Variants in RBM5 observed in about 807,000 individuals in gnomAD.
RBM5 encodes the protein RNA-binding protein 5.
Under a neutral mutation model 124.6 loss-of-function variants are expected in RBM5, and 15 were observed. The ratio of observed to expected loss-of-function variants is 0.12; its 90% CI spans 0.08 to 0.19. RBM5 has a LOEUF of 0.19. RBM5 is among the 10% of genes least tolerant of loss of function. The pLI is 1.00. For synonymous variants in RBM5, 337 were observed against 361.2 expected, an observed-to-expected ratio of 0.93 and a Z score of 0.76; for missense variants, 580 against 1,026.5, an observed-to-expected ratio of 0.57 and a Z score of 5.94.
In RBM5 at chr3:50,095,206, C is replaced by G. The variant is rs141313457; in HGVS notation, c.339+1331C>G. Among the ~76,000 whole-genome samples the G allele has an allele frequency of 3.3e-5, 5 of 152,058 alleles. No homozygotes were observed. The East Asian group carries it at 7.7e-4, about 24-fold the overall frequency. ...ACAGAACAAGACCCTGTCTCAAAAA[C>G]AAAAAGAAGTAAATTACCATATTTA... On this transcript the variant is annotated intron_variant, in intron 4 of 24. Transcript: ENST00000347869.
Position 50,115,528 on chromosome 3 carries a change from T to C in RBM5, c.1940T>C (p.Met647Thr). Reference sequence around the variant, plus strand: ...GAGAAGCTAGCTGACTGGAAGAAGATGGCCTGTCTGCTCTGCCGGCGCCAG... The same window carrying C: ...GAGAAGCTAGCTGACTGGAAGAAGACGGCCTGTCTGCTCTGCCGGCGCCAG... ...EEEKLADWKK[M>T]ACLLCRRQFP... Residue 647 changes from methionine (M) to threonine (T), a missense_variant, in exon 21 of 25, where the codon ATG becomes ACG. Met to Thr is a moderately conservative substitution (Grantham distance 81). Transcript: ENST00000347869. The C allele has an allele frequency of 6.2e-7, 1 of 1,614,050 alleles. No homozygotes were observed. Among genetic ancestry groups the C allele is most frequent in the East Asian group, 2.2e-5 (1 of 44,878 alleles).
At chr3:50,096,646 A>T (rs12635987) in intron 4 of RBM5, among the ~76,000 whole-genome samples, 3 of 141,824 alleles carry the variant, frequency 2.1e-5, no homozygotes, top group African/African-American at 8.0e-5. Context: ...CTGGAGTGCA[A>T]TCGCGTGATT....
rs749800020 is a variant in RBM5, at chr3:50,107,574, G to A, written c.1041+5G>A. The A allele has an allele frequency of 1.3e-6, 2 of 1,586,350 alleles. No homozygotes were observed. The highest frequency in any genetic ancestry group is 3.4e-5 in the Admixed American group (2 of 59,504). On this transcript the variant is annotated splice_donor_5th_base_variant and intron_variant, in intron 12 of 24. Transcript: ENST00000347869. ...GCTCAGTGGTCATCCACCCAGGTAA[G>A]ATCGAGGATCTTTTTGCTCAAGGTA...
At chr3:50,092,350 T>G (rs1297228669) in intron 3 of RBM5, 142 bp downstream of exon 3, 1 of 886,228 alleles carries the variant, frequency 1.1e-6, no homozygotes, top group Non-Finnish European at 1.7e-6. Flanking sequence ...TCACTTGAGG[T>G]CAGGAGTTTA....
intron 4 of RBM5, among the ~76,000 whole-genome samples, chr3:50,095,641 C>T (rs2090798207): frequency 6.6e-6 from 1 of 151,820 alleles, no homozygotes; most frequent in South Asian, 2.1e-4. Context: ...TATGTAAAGC[C>T]TGATCTATCG....
chr3:50,093,598 T>G, intron 3 of RBM5, 122 bp from the exon 4 acceptor site: 1 of 1,110,936 alleles, frequency 9.0e-7, no homozygotes, highest in South Asian at 1.8e-5. Context: ...GCAGTGAACA[T>G]TACCATGGAG....
At chr3:50,108,636 G>A (rs553160338) in intron 14 of RBM5, among the ~76,000 whole-genome samples, 3 of 152,200 alleles carry the variant, frequency 2.0e-5, no homozygotes, top group African/African-American at 4.8e-5. Context: ...GAACCCGAGC[G>A]GCAGAGATTG....
At position 50,094,963 on chromosome 3, in the gene RBM5, C is replaced by T. The variant is rs545225034; in HGVS notation, c.339+1088C>T. On this transcript the variant is annotated intron_variant, in intron 4 of 24. Transcript: ENST00000347869. ...TGTAATCCCAGGCACTTTGGGAGGTCGAGGCGGGTGGATCACTTGAGGTCA... is the reference window on the plus strand; with the variant it reads ...TGTAATCCCAGGCACTTTGGGAGGTTGAGGCGGGTGGATCACTTGAGGTCA... Among the ~76,000 whole-genome samples, 5 of 152,106 alleles carry T rather than the reference C, an allele frequency of 3.3e-5. No homozygotes were observed. In the South Asian group the frequency reaches 8.3e-4, roughly 25 times the overall value.
At position 50,088,987 on chromosome 3, in the gene RBM5, C is replaced by T. The variant is rs1178370442; in HGVS notation, c.-96C>T. ...TAGCCGCCGAACCTTGTTGGAGGTT[C>T]TGGGGCGCAGAACCGCTACTGCTGC... On this transcript the variant is annotated 5_prime_UTR_variant, in exon 1 of 25. Transcript: ENST00000347869. 2.0e-5 allele frequency: 3 copies of T among 152,314 alleles called. No individual in the cohort carries two copies. The highest frequency in any genetic ancestry group is 4.4e-5 in the Non-Finnish European group (3 of 68,114). The allele number at this position is 152,314 out of a possible 1,614,324, so 9.4% of individuals were successfully genotyped here.
chr3:50,093,802 A>C lies in RBM5; in HGVS notation c.266A>C (p.His89Pro), dbSNP rs201825095. The C allele has an allele frequency of 1.1e-5, 18 of 1,613,996 alleles. No individual in the cohort carries two copies. The highest frequency in any genetic ancestry group is 2.5e-6 in the Non-Finnish European group (3 of 1,179,972). Reference protein sequence around the residue: ...DGDYGEHDYRHDISDERESKT... With the variant: ...DGDYGEHDYRPDISDERESKT... The stretch of plus-strand genomic sequence containing the variant: ...GACTATGGTGAGCACGACTATAGGC[A>C]TGACATCAGTGACGAGAGGGAGAGC... Residue 89 changes from histidine to proline, a missense_variant, in exon 4 of 25, where the codon CAT becomes CCT. By Grantham distance (77) the His-to-Pro change is moderately conservative (BLOSUM62 -2). This residue lies in a region of RBM5 where 99 missense variants were observed against 121.1 expected (regional missense o/e 0.82). Transcript: ENST00000347869.
At position 50,090,399 on chromosome 3, in the gene RBM5, C is replaced by T. The variant is rs1283858626; in HGVS notation, c.-36C>T. On this transcript the variant is annotated 5_prime_UTR_variant, in exon 2 of 25. Coordinates refer to ENST00000347869, the MANE Select transcript of RBM5 (RefSeq NM_005778.4). Reference sequence around the variant, plus strand: ...TCTCCTAGAAAAAATAAAATTTGAACCTTTTGGAGCTGTGTGCTAAATCTT... The same window carrying T: ...TCTCCTAGAAAAAATAAAATTTGAATCTTTTGGAGCTGTGTGCTAAATCTT... 24 of 1,612,214 alleles carry T rather than the reference C, an allele frequency of 1.5e-5. No individual in the cohort carries two copies. Among genetic ancestry groups the T allele is most frequent in the Non-Finnish European group, 2.0e-5 (24 of 1,179,264 alleles).
chr3:50,105,068 C>T lies in RBM5; in HGVS notation c.629-9C>T. On this transcript the variant is annotated splice_polypyrimidine_tract_variant and intron_variant, in intron 8 of 24. Transcript: ENST00000347869. ...TGTTTGTCTCTAATTGGATCACTTT[C>T]CCTTCTAGACTCTGAACAGGAAGTG... 1.3e-6 allele frequency: 2 copies of T among 1,554,746 alleles called. No homozygotes were observed. The highest frequency in any genetic ancestry group is 1.8e-6 in the Non-Finnish European group (2 of 1,128,916).
intron 14 of RBM5, among the ~76,000 whole-genome samples, chr3:50,109,275 G>C (rs1377037821): frequency 6.6e-6 from 1 of 152,096 alleles, no homozygotes; most frequent in Admixed American, 6.5e-5. Context: ...GGGTTTCACC[G>C]TGTTAGCCAG....
intron 6 of RBM5, chr3:50,101,351 C>G (rs780323837): frequency 6.9e-4 from 105 of 152,188 alleles, no homozygotes; most frequent in African/African-American, 1.9e-3. Context: ...CAAGTGCATT[C>G]TGGGAAGTTT....
chr3:50,111,486 C>T (rs1399303541), intron 17 of RBM5, among the ~76,000 whole-genome samples: 2 of 152,114 alleles, frequency 1.3e-5, no homozygotes, highest in African/African-American at 2.4e-5. Flanking sequence ...AAGCAATGCT[C>T]CTGCCTCAGC....
intron 4 of RBM5, among the ~76,000 whole-genome samples, chr3:50,098,512 G>A (rs2090870062): frequency 6.6e-6 from 1 of 151,710 alleles, no homozygotes; most frequent in African/African-American, 2.4e-5. Context: ...GCGCGATCTC[G>A]GCTCACTGCA....
Position 50,110,788 on chromosome 3 carries a change from C to T in RBM5, c.1455+18C>T. ...ACTCGCAAGTAAATGTGCTGCTTTC[C>T]TCCTCAATTTCACTAGAAGTAGTTT... On this transcript the variant is annotated intron_variant, in intron 17 of 24. Transcript: ENST00000347869. The T allele has an allele frequency of 6.4e-7, 1 of 1,574,506 alleles. No individual in the cohort carries two copies. The highest frequency in any genetic ancestry group is 1.1e-5 in the South Asian group (1 of 88,682).
intron 7 of RBM5, 113 bp downstream of exon 7, chr3:50,103,279 A>G: frequency 1.1e-6 from 1 of 882,048 alleles, no homozygotes; most frequent in Admixed American, 2.1e-5. Context: ...CATCAGTAAT[A>G]TTCATGGTTT....
chr3:50,091,508 T>C (rs985344101), intron 2 of RBM5, among the ~76,000 whole-genome samples: 2 of 152,314 alleles, frequency 1.3e-5, no homozygotes, highest in African/African-American at 2.4e-5. Context: ...TAGTTTTGGG[T>C]AACTATCCAG....
Sources: allele counts gnomAD v4.1 joint callset (sites outside exome capture counted in the v4.1 genomes callset), GRCh38; gene constraint gnomAD v4.1.1; regional missense constraint gnomAD v4.1.1; transcripts MANE v1.5; gene names NCBI Gene and HGNC (gene_info 2026-07-23, HGNC 2026-07-21).